The following ABCA7 variants were observed in gnomAD, a reference collection of about 807,000 sequenced individuals.
ABCA7 encodes the protein phospholipid-transporting ATPase ABCA7.
In ABCA7, 261 loss-of-function variants were observed where a neutral mutation model predicts 227.6. That is an observed-to-expected ratio of 1.15 (90% CI 1.04 to 1.27). The LOEUF is 1.27. ABCA7 is among the 50% of genes most tolerant of loss of function. The pLI, the probability that ABCA7 is intolerant of heterozygous loss-of-function variation, is 0.00. For synonymous variants in ABCA7, 1,488 were observed against 1,279.7 expected, an observed-to-expected ratio of 1.16 and a Z score of -3.47; for missense variants, 3,331 against 2,924.5, an observed-to-expected ratio of 1.14 and a Z score of -3.21.
intron 45 of ABCA7, among the ~76,000 whole-genome samples, chr19:1,064,493 G>A (rs1477987935): frequency 6.6e-6 from 1 of 151,950 alleles, no homozygotes; most frequent in African/African-American, 2.4e-5. Flanking sequence ...ACACAATCAG[G>A]TGTGCGTTGG....
At chr19:1,058,984 T>A (rs1376087693) in intron 39 of ABCA7, 39 bp from the exon 40 acceptor site, 2 of 1,613,360 alleles carry the variant, frequency 1.2e-6, no homozygotes, top group Non-Finnish European at 1.7e-6. Context: ...GTGCTCCCAC[T>A]GGCCCACTCA....
rs751229228 is a variant in ABCA7, at chr19:1,055,347, CA to C, written c.4202del (p.Gln1401ArgfsTer3). ...CAAGACCTACCCGCGCCTGGTGCGC[CA>C]GGGGTGAGCCATGCCCTGGGACTCA... ...LVKTYPRLVR[Q>X]GLKTKKWVNE... On this transcript the variant is annotated frameshift_variant, in exon 30 of 47. Transcript: ENST00000263094. LOFTEE classifies it high-confidence loss of function. The C allele has an allele frequency of 7.6e-6, 12 of 1,578,696 alleles. No homozygotes were observed. The highest frequency in any genetic ancestry group is 2.7e-5 in the African/African-American group (2 of 74,510).
At position 1,065,518 on chromosome 19, in the gene ABCA7, G is replaced by A; in HGVS notation, c.*93G>A. On this transcript the variant is annotated 3_prime_UTR_variant, in exon 47 of 47. Coordinates refer to ENST00000263094, the MANE Select transcript of ABCA7 (RefSeq NM_019112.4). ...GCCCTGGACTCAGGCTGGCAGAGGG[G>A]CTGGTGCCCTGGAGAAAATAAAGAG... 2.8e-6 allele frequency: 4 copies of A among 1,434,938 alleles called. No homozygotes were observed. Among genetic ancestry groups the A allele is most frequent in the Non-Finnish European group, 3.8e-6 (4 of 1,053,824 alleles). 88.9% of individuals were successfully genotyped at this position (1,434,938 alleles called of 1,614,324 possible).
At position 1,055,628 on chromosome 19, in the gene ABCA7, G is replaced by A. The variant is rs183225074; in HGVS notation, c.4205+277G>A. On this transcript the variant is annotated intron_variant, in intron 30 of 46. Transcript: ENST00000263094. ...AGCGATTCTCCTCCCTCAGCCTCCCGAGTAGCTGGGATTACAGGCACGCAC... is the reference window on the plus strand; with the variant it reads ...AGCGATTCTCCTCCCTCAGCCTCCCAAGTAGCTGGGATTACAGGCACGCAC... Among the ~76,000 whole-genome samples the A allele has an allele frequency of 3.7e-3, 537 of 146,482 alleles. 11 individuals carry two copies. Among genetic ancestry groups the A allele is most frequent in the African/African-American group, 0.013 (493 of 39,422 alleles).
At chr19:1,046,169 G>C in intron 12 of ABCA7, 61 bp from the exon 13 acceptor site, 4 of 1,576,698 alleles carry the variant, frequency 2.5e-6, no homozygotes, top group South Asian at 2.2e-5. Flanking sequence ...AGGTTATTCA[G>C]GGTGGGGCCC....
intron 36 of ABCA7, 22 bp downstream of exon 36, chr19:1,058,081 G>C: frequency 6.2e-7 from 1 of 1,614,002 alleles, no homozygotes; most frequent in Non-Finnish European, 8.5e-7. Flanking sequence ...CGAGGCTGGG[G>C]CTTGGGCTGG....
At chr19:1,041,779 G>A (rs2040061129) in intron 3 of ABCA7, 52 bp from the exon 4 acceptor site, 2 of 1,596,836 alleles carry the variant, frequency 1.3e-6, no homozygotes, top group African/African-American at 1.3e-5. Context: ...ACCCGATGGG[G>A]GTGGAGTCAG....
chr19:1,063,396 C>T (rs1000783578), intron 42 of ABCA7, 148 bp from the exon 43 acceptor site: 171 of 1,180,728 alleles, frequency 1.4e-4, no homozygotes, highest in Non-Finnish European at 1.9e-4. Context: ...CATGCTGCCC[C>T]CACCACACTA....
At chr19:1,063,985 C>T (rs1355747271) in intron 44 of ABCA7, 122 bp downstream of exon 44, 4 of 1,370,536 alleles carry the variant, frequency 2.9e-6, no homozygotes, top group Non-Finnish European at 3.9e-6. Flanking sequence ...GGGCGCCAGG[C>T]CCCGGGGTGT....
chr19:1,064,216 T>C lies in ABCA7; in HGVS notation c.6007T>C (p.Phe2003Leu). 6.4e-7 allele frequency: 1 copy of C among 1,574,264 alleles called. No individual in the cohort carries two copies. The highest frequency in any genetic ancestry group is 1.2e-5 in the South Asian group (1 of 85,992). The change falls in exon 45 of 47, where the codon TTC becomes CTC. Residue 2003 changes from phenylalanine (F) to leucine (L), a missense_variant. By Grantham distance (22) the Phe-to-Leu change is conservative. Transcript: ENST00000263094. ...CCTGGCCATCATGGTGAATGGGCGGTTCCGCTGCCTGGGCAGCCCGCAACA... is the reference window on the plus strand; with the variant it reads ...CCTGGCCATCATGGTGAATGGGCGGCTCCGCTGCCTGGGCAGCCCGCAACA... ...SRLAIMVNGR[F>L]RCLGSPQHLK... is the part of the protein sequence containing the mutation.
rs769386138 is a variant in ABCA7, at chr19:1,048,878, C to T, written c.2270-17C>T. On this transcript the variant is annotated splice_polypyrimidine_tract_variant and intron_variant, in intron 16 of 46. Coordinates refer to ENST00000263094, the MANE Select transcript of ABCA7 (RefSeq NM_019112.4). ...CTGGGGGGTGGGCTAAGCAATAACC[C>T]GCGCCCCTCCCCGCAGGCCAGTACG... 10 of 1,526,680 alleles carry T rather than the reference C, an allele frequency of 6.6e-6. No homozygotes were observed. Among genetic ancestry groups the T allele is most frequent in the South Asian group, 1.2e-5 (1 of 84,670 alleles). The allele number at this position is 1,526,680 out of a possible 1,614,324, so 94.6% of individuals were successfully genotyped here.
intron 42 of ABCA7, 111 bp from the exon 43 acceptor site, chr19:1,063,433 C>T: frequency 1.4e-6 from 2 of 1,446,924 alleles, no homozygotes; most frequent in Non-Finnish European, 1.9e-6. Context: ...TTGCCCTGCC[C>T]CATGCCCATT....
In ABCA7 at chr19:1,065,367, AC is replaced by A; in HGVS notation, c.6387del (p.Lys2130AsnfsTer66). On this transcript the variant is annotated frameshift_variant, in exon 47 of 47. Coordinates refer to ENST00000263094, the MANE Select transcript of ABCA7 (RefSeq NM_019112.4). LOFTEE classifies it low-confidence loss of function (END_TRUNC). Reference sequence around the variant, plus strand: ...GTGGACCCCGCGCCAGGCCTGCAGCACCCCAAACGCGTCAGCCAGTTCCTCG... The same window carrying A: ...GTGGACCCCGCGCCAGGCCTGCAGCACCCAAACGCGTCAGCCAGTTCCTCG... ...VGVDPAPGLQ[H>X]PKRVSQFLDD... 1 of 1,613,472 alleles carries A rather than the reference AC, an allele frequency of 6.2e-7. No individual in the cohort carries two copies. Among genetic ancestry groups the A allele is most frequent in the Non-Finnish European group, 8.5e-7 (1 of 1,179,970 alleles).
chr19:1,054,397 G>C lies in ABCA7; in HGVS notation c.3726+56G>C, dbSNP rs2042059459. 1 of 1,558,208 alleles carries C rather than the reference G, an allele frequency of 6.4e-7. No homozygotes were observed. Among genetic ancestry groups the C allele is most frequent in the Non-Finnish European group, 8.7e-7 (1 of 1,155,200 alleles). ...GGGAGTCCCTGAGTTCCCTACCCTG[G>C]CCGTCCACTCAGTGGCCTAATCCAA... On this transcript the variant is annotated intron_variant, in intron 27 of 46. Transcript: ENST00000263094. The surrounding 1 kb of genome is among the most constrained non-coding windows in gnomAD (Gnocchi z 4.8).
Position 1,056,485 on chromosome 19 carries a change from G to C in ABCA7, c.4572G>C (p.Leu1524=). The C allele has an allele frequency of 6.2e-7, 1 of 1,613,132 alleles. No individual in the cohort carries two copies. The highest frequency in any genetic ancestry group is 1.1e-5 in the South Asian group (1 of 91,064). ...CCTTGAACCTCACCAAGGAGCAGCT[G>C]TCTGAGGGTGCACTGTGAGTCCCTC... ...NHPLNLTKEQ[L]SEGALMASSV... Residue 1524 remains leucine, a synonymous_variant, in exon 33 of 47, where the codon CTG becomes CTC. Transcript: ENST00000263094. This position sits in a 1 kb window ranked among gnomAD's most constrained non-coding sequence, Gnocchi z 4.3.
At chr19:1,047,758 T>G (rs568848426) in intron 16 of ABCA7, 104 bp downstream of exon 16, 18 of 1,269,278 alleles carry the variant, frequency 1.4e-5, no homozygotes, top group South Asian at 9.1e-5. Flanking sequence ...GGGTGGCTTA[T>G]TCCCTTGGAG....
chr19:1,062,370 G>A (rs2042718187), intron 42 of ABCA7, 57 bp downstream of exon 42: 1 of 1,582,290 alleles, frequency 6.3e-7, no homozygotes, highest in Non-Finnish European at 8.5e-7. Flanking sequence ...GACCCAGGCC[G>A]TGCCTCTAAA....
intron 16 of ABCA7, 65 bp from the exon 17 acceptor site, chr19:1,048,830 C>T (rs1169353504): frequency 1.1e-6 from 1 of 931,608 alleles, no homozygotes; most frequent in Non-Finnish European, 1.6e-6. Context: ...AAAACAAAAC[C>T]CCAAAAAAAG....
intron 40 of ABCA7, among the ~76,000 whole-genome samples, chr19:1,060,207 A>ATATTTTTTTTTTT: frequency 1.0e-5 from 1 of 96,770 alleles, no homozygotes; most frequent in African/African-American, 3.5e-5. Flanking sequence ...ATATATATAT[A>ATATTTTTTTTTTT]TTTTTTTTTC....
Sources: allele counts gnomAD v4.1 joint callset (sites outside exome capture counted in the v4.1 genomes callset), GRCh38; gene constraint gnomAD v4.1.1; non-coding constraint Gnocchi (gnomAD v3.1); transcripts MANE v1.5; gene names NCBI Gene and HGNC (gene_info 2026-07-23, HGNC 2026-07-21).